Variants in CLIP1 observed in about 807,000 individuals in gnomAD.
The protein encoded by CLIP1 is CAP-Gly domain-containing linker protein 1.
A neutral mutation model predicts 161.6 loss-of-function variants in CLIP1; 66 were observed. The ratio of observed to expected loss-of-function variants is 0.41; its 90% CI spans 0.33 to 0.50. CLIP1 has a LOEUF of 0.50. Ranked by LOEUF, CLIP1 falls within the 20% of genes least tolerant of loss-of-function variation. CLIP1 has a pLI of 0.27. For missense variants in CLIP1, 1,376 were observed against 1,702.0 expected, an observed-to-expected ratio of 0.81 and a Z score of 3.37; for synonymous variants, 598 against 626.2, an observed-to-expected ratio of 0.96 and a Z score of 0.67.
At chr12:122,408,576 C>T (rs1956414554) in intron 1 of CLIP1, among the ~76,000 whole-genome samples, 1 of 152,022 alleles carries the variant, frequency 6.6e-6, no homozygotes, top group South Asian at 2.1e-4. Context: ...TCTCGATCTC[C>T]TGACCTCGTG....
intron 11 of CLIP1, among the ~76,000 whole-genome samples, chr12:122,339,830 G>A (rs183143907): frequency 3.8e-4 from 58 of 152,258 alleles, no homozygotes; most frequent in African/African-American, 1.3e-3. Flanking sequence ...CCTGGGCTAC[G>A]TGGCACAGCC....
At chr12:122,404,772 G>A (rs1040447096) in intron 1 of CLIP1, among the ~76,000 whole-genome samples, 10 of 150,422 alleles carry the variant, frequency 6.6e-5, no homozygotes, top group Non-Finnish European at 1.5e-4. Context: ...GCATGGTGGC[G>A]GGCGCCTGTA....
chr12:122,379,469 C>G (rs1954901635), intron 2 of CLIP1, among the ~76,000 whole-genome samples: 1 of 150,632 alleles, frequency 6.6e-6, no homozygotes, highest in South Asian at 2.1e-4. Flanking sequence ...CAAAATTTAG[C>G]CAGACGTGGT....
chr12:122,277,993 A>G (rs1955500160), intron 24 of CLIP1, 161 bp downstream of exon 24: 1 of 689,020 alleles, frequency 1.5e-6, no homozygotes, highest in Non-Finnish European at 2.5e-6. Context: ...CATTTAATGT[A>G]TATATTTTTA....
At chr12:122,342,327 T>G (rs1196342318) in intron 10 of CLIP1, 1 of 152,208 alleles carries the variant, frequency 6.6e-6, no homozygotes, top group East Asian at 1.9e-4. Context: ...ATTTCCTTAT[T>G]TTGCCAGTTT....
chr12:122,395,802 G>A (rs894084174), intron 1 of CLIP1: 1 of 152,172 alleles, frequency 6.6e-6, no homozygotes, highest in Non-Finnish European at 1.5e-5. Context: ...ATTCTTTACT[G>A]GAGGATTGGG....
chr12:122,299,290 C>A (rs146109423), intron 20 of CLIP1, among the ~76,000 whole-genome samples: 2 of 152,138 alleles, frequency 1.3e-5, no homozygotes, highest in Non-Finnish European at 2.9e-5. Flanking sequence ...CTACAAAACC[C>A]CTCAAAAGCC....
chr12:122,299,612 C>CAAAAAAAAAAAAAAAAAAAA lies in CLIP1; in HGVS notation c.3594+10130_3594+10149dup, dbSNP rs71082962. 2.7e-3 allele frequency among the ~76,000 whole-genome samples: 167 copies of CAAAAAAAAAAAAAAAAAAAA among 62,478 alleles called. 28 individuals are homozygous for CAAAAAAAAAAAAAAAAAAAA. Among genetic ancestry groups the CAAAAAAAAAAAAAAAAAAAA allele is most frequent in the African/African-American group, 0.01 (147 of 14,316 alleles). 41.0% of individuals were successfully genotyped at this position (62,478 alleles called of 152,430 possible). On this transcript the variant is annotated intron_variant, in intron 20 of 25. Coordinates refer to ENST00000620786, the MANE Select transcript of CLIP1 (RefSeq NM_001247997.2). ...TTTTGTTTTTAAAGAATAAATTCAG[C>CAAAAAAAAAAAAAAAAAAAA]AAAAAAAAAAAAAAAAAAAAGATGC...
intron 18 of CLIP1, 113 bp from the exon 19 acceptor site, chr12:122,316,968 G>GA (rs1951297966): frequency 6.3e-6 from 4 of 639,074 alleles, no homozygotes; most frequent in Non-Finnish European, 7.6e-6. Flanking sequence ...TTAGTCACTC[G>GA]CAAAAAAAAA....
rs1030537899 is a variant in CLIP1 at position 122,311,310 on chromosome 12, T to C, written c.3474-1428A>G. Among the ~76,000 whole-genome samples, 6 of 152,132 alleles carry C rather than the reference T, an allele frequency of 3.9e-5. No homozygotes were observed. The highest frequency in any genetic ancestry group is 1.4e-4 in the African/African-American group (6 of 41,428). ...TCAAAGTGCTACGCTTATACTCCTG[T>C]TCCTTCTCTCTCAAGCCCACAGGAA... On this transcript the variant is annotated intron_variant, in intron 19 of 25. Coordinates refer to ENST00000620786, the MANE Select transcript of CLIP1 (RefSeq NM_001247997.2). This position sits in a 1 kb window ranked among gnomAD's most constrained non-coding sequence, Gnocchi z 4.3.
intron 11 of CLIP1, among the ~76,000 whole-genome samples, chr12:122,338,733 A>T (rs1027800585): frequency 2.6e-5 from 4 of 152,050 alleles, no homozygotes; most frequent in African/African-American, 9.7e-5. Flanking sequence ...AGAACAAAAC[A>T]AAACAAAAAA....
At chr12:122,404,913 A>C (rs1475113209) in intron 1 of CLIP1, among the ~76,000 whole-genome samples, 20 of 134,582 alleles carry the variant, frequency 1.5e-4, no homozygotes, top group Non-Finnish European at 2.4e-4. Context: ...AAAAAAAAAC[A>C]AAACAAAAAA....
intron 20 of CLIP1, among the ~76,000 whole-genome samples, chr12:122,294,554 G>A (rs1294041874): frequency 6.6e-6 from 1 of 152,058 alleles, no homozygotes; most frequent in Non-Finnish European, 1.5e-5. Context: ...CTTGAGCCCA[G>A]GAGTTCGAGA....
chr12:122,407,959 T>C (rs994603795), intron 1 of CLIP1, among the ~76,000 whole-genome samples: 1 of 151,634 alleles, frequency 6.6e-6, no homozygotes, highest in Non-Finnish European at 1.5e-5. Flanking sequence ...GGTTTTTTTC[T>C]TTTCATAAAA....
At chr12:122,289,037 C>T (rs1042323475) in intron 20 of CLIP1, among the ~76,000 whole-genome samples, 28 of 150,688 alleles carry the variant, frequency 1.9e-4, no homozygotes, top group African/African-American at 6.3e-4. Context: ...AGGATGGTCT[C>T]GATCTCCTGA....
chr12:122,381,714 C>T (rs1198322984), intron 1 of CLIP1, among the ~76,000 whole-genome samples: 1 of 152,200 alleles, frequency 6.6e-6, no homozygotes, highest in African/African-American at 2.4e-5. Context: ...TCACAGCCAA[C>T]GCCAGCCACT....
At chr12:122,385,737 G>T (rs1955228605) in intron 1 of CLIP1, among the ~76,000 whole-genome samples, 2 of 152,196 alleles carry the variant, frequency 1.3e-5, no homozygotes, top group Non-Finnish European at 2.9e-5. Context: ...CGCTTGAAAG[G>T]ATCTTGAATG....
intron 21 of CLIP1, among the ~76,000 whole-genome samples, chr12:122,281,377 C>A (rs1209780278): frequency 1.3e-5 from 2 of 152,022 alleles, no homozygotes; most frequent in African/African-American, 4.8e-5. Flanking sequence ...TCTGATGTCA[C>A]CCAAAGATGC....
In CLIP1 at chr12:122,333,233, A is replaced by G. The variant is rs181889468; in HGVS notation, c.2711-90T>C. ...ATTCTTGCTCTGGTAATATTTTCAC[A>G]CAGCAATTCTTGTCCTCATAAAAAT... On this transcript the variant is annotated intron_variant, in intron 14 of 25. Coordinates refer to ENST00000620786, the MANE Select transcript of CLIP1 (RefSeq NM_001247997.2). The G allele has an allele frequency of 6.9e-4, 652 of 941,382 alleles. 1 individual carries two copies. Among genetic ancestry groups the G allele is most frequent in the Non-Finnish European group, 8.1e-4 (515 of 632,846 alleles). The allele number at this position is 941,382 out of a possible 1,614,324, so 58.3% of individuals were successfully genotyped here. A position where few individuals can be genotyped will look rare whatever the true frequency, so the allele number is the denominator to read the frequency against.
Sources: gnomAD v4.1 joint callset for allele counts (sites outside exome capture counted in the v4.1 genomes callset) on GRCh38, gnomAD v4.1.1 for gene constraint, Gnocchi (gnomAD v3.1) non-coding constraint, MANE v1.5 for transcripts, NCBI Gene and HGNC (gene_info 2026-07-23, HGNC 2026-07-21) for gene names.